Variants in HCRTR2 observed in about 807,000 individuals in gnomAD.
HCRTR2 encodes the protein hypocretin receptor 2.
In HCRTR2, 22 loss-of-function variants were observed where a neutral mutation model predicts 49.0. The observed-to-expected ratio is 0.45, with a 90% CI of 0.32 to 0.64. HCRTR2 has a LOEUF of 0.64. Among genes scored for constraint, HCRTR2 ranks in the 30% least tolerant of loss-of-function variants. HCRTR2 has a pLI of 0.04. For missense variants in HCRTR2, 491 were observed against 559.4 expected (o/e 0.88, Z 1.23); for synonymous variants, 236 against 205.3 (o/e 1.15, Z -1.28).
At chr6:55,205,990 T>C (rs1408391792) in intron 1 of HCRTR2, among the ~76,000 whole-genome samples, 1 of 152,050 alleles carries the variant, frequency 6.6e-6, no homozygotes, top group African/African-American at 2.4e-5. Context: ...AAATTAGAAA[T>C]AAAAAAATTT....
intron 1 of HCRTR2, among the ~76,000 whole-genome samples, chr6:55,133,850 G>T (rs538654337): frequency 6.6e-6 from 1 of 151,580 alleles, no homozygotes; most frequent in Non-Finnish European, 1.5e-5. Context: ...GAACCTATAT[G>T]GCTGTTTTTC....
Position 55,156,572 on chromosome 6 carries a change from G to GAC in HCRTR2, c.-377-17621_-377-17620dup, listed in dbSNP as rs141547382. On this transcript the variant is annotated intron_variant, in intron 1 of 7. Transcript: ENST00000615358. Reference sequence around the variant, plus strand: ...TCACTCTCTCTTTCTCTCTCTCTGAGACACACACACACACACACAAGCACA... The same window carrying GAC: ...TCACTCTCTCTTTCTCTCTCTCTGAGACACACACACACACACACACAAGCACA... Among the ~76,000 whole-genome samples the GAC allele has an allele frequency of 3.6e-3, 530 of 148,538 alleles. 4 individuals carry two copies. The highest frequency in any genetic ancestry group is 0.01 in the African/African-American group (426 of 40,692).
intron 1 of HCRTR2, among the ~76,000 whole-genome samples, chr6:55,218,047 T>A (rs1311746490): frequency 6.6e-6 from 1 of 152,214 alleles, no homozygotes; most frequent in East Asian, 1.9e-4. Context: ...TATCATAACA[T>A]GGCAGATGGC....
intron 1 of HCRTR2, among the ~76,000 whole-genome samples, chr6:55,166,764 A>T (rs1338725091): frequency 6.6e-6 from 1 of 152,140 alleles, no homozygotes; most frequent in Non-Finnish European, 1.5e-5. Context: ...CAGTCAGATC[A>T]GTATTATATA....
At chr6:55,119,398 A>G (rs956046289) in intron 1 of HCRTR2, among the ~76,000 whole-genome samples, 12 of 152,106 alleles carry the variant, frequency 7.9e-5, no homozygotes, top group African/African-American at 2.4e-4. Context: ...ACTGCCACCA[A>G]CAGTGTAAAA....
chr6:55,201,393 A>G (rs1164765455), intron 1 of HCRTR2, among the ~76,000 whole-genome samples: 1 of 152,098 alleles, frequency 6.6e-6, no homozygotes, highest in Non-Finnish European at 1.5e-5. Flanking sequence ...AGTTTTCCAC[A>G]GTACCATGTA....
chr6:55,108,953 C>A (rs1764011862), intron 1 of HCRTR2, among the ~76,000 whole-genome samples: 1 of 152,060 alleles, frequency 6.6e-6, no homozygotes, highest in Admixed American at 6.6e-5. Context: ...TGGCTGCCTG[C>A]ATATAAACTC....
intron 1 of HCRTR2, among the ~76,000 whole-genome samples, chr6:55,108,860 T>C (rs1764010709): frequency 6.6e-6 from 1 of 152,052 alleles, no homozygotes; most frequent in Admixed American, 6.6e-5. Context: ...GAAAGCATTG[T>C]GGGGAGGGGC....
At chr6:55,172,796 C>G (rs1411269499), upstream of HCRTR2, among the ~76,000 whole-genome samples, 1 of 137,910 alleles carries the variant, frequency 7.3e-6, no homozygotes, top group Non-Finnish European at 1.6e-5. Flanking sequence ...CCATAAAGCA[C>G]AAAACAAATA....
chr6:55,185,908 G>C (rs892013780), intron 1 of HCRTR2, among the ~76,000 whole-genome samples: 5 of 152,152 alleles, frequency 3.3e-5, no homozygotes, highest in African/African-American at 1.2e-4. Context: ...GTGCTCTAGA[G>C]TTTTCACAAT....
At chr6:55,214,285 G>C (rs777921654) in intron 1 of HCRTR2, among the ~76,000 whole-genome samples, 22 of 152,142 alleles carry the variant, frequency 1.4e-4, no homozygotes, top group Non-Finnish European at 2.5e-4. Context: ...GCCTTTCTCT[G>C]TATCAAGCTA....
intron 1 of HCRTR2, among the ~76,000 whole-genome samples, chr6:55,135,540 G>T (rs4715521): frequency 0.31 from 46,642 of 151,928 alleles, 9,253 homozygotes; most frequent in East Asian, 0.79. Context: ...GCAATCAGTT[G>T]CTTCAGTTTG....
intron 1 of HCRTR2, among the ~76,000 whole-genome samples, chr6:55,180,267 A>C (rs551687835): frequency 6.6e-6 from 1 of 152,370 alleles, no homozygotes; most frequent in South Asian, 2.1e-4. Flanking sequence ...GGTTTCAAAT[A>C]TGGATTTAAC....
At chr6:55,277,787 CAT>C (rs1486951726) in intron 5 of HCRTR2, among the ~76,000 whole-genome samples, 187 bp downstream of exon 5, 1 of 151,822 alleles carries the variant, frequency 6.6e-6, no homozygotes, top group Non-Finnish European at 1.5e-5. Context: ...AGTGCTCAGA[CAT>C]GTGCTTTTGT....
chr6:55,233,988 A>G (rs1455684953), intron 1 of HCRTR2, among the ~76,000 whole-genome samples: 2 of 152,182 alleles, frequency 1.3e-5, no homozygotes, highest in Non-Finnish European at 2.9e-5. Flanking sequence ...AAGGTTTGCC[A>G]TCAGTCTCTA....
chr6:55,197,571 T>C (rs572590853), intron 1 of HCRTR2, among the ~76,000 whole-genome samples: 1 of 152,232 alleles, frequency 6.6e-6, no homozygotes, highest in South Asian at 2.1e-4. Context: ...TACATCTAAT[T>C]ATAACCCAAA....
At chr6:55,129,237 A>G (rs1764322096) in intron 1 of HCRTR2, among the ~76,000 whole-genome samples, 2 of 152,102 alleles carry the variant, frequency 1.3e-5, no homozygotes, top group African/African-American at 4.8e-5. Context: ...TTTCTCACTC[A>G]TGGATCAAAA....
intron 1 of HCRTR2, among the ~76,000 whole-genome samples, chr6:55,143,900 T>C (rs1277467054): frequency 6.6e-6 from 1 of 152,178 alleles, no homozygotes; most frequent in Non-Finnish European, 1.5e-5. Flanking sequence ...CATTTAGTAA[T>C]TATCAGCTTT....
At chr6:55,148,817 A>G (rs1764627745) in intron 1 of HCRTR2, among the ~76,000 whole-genome samples, 1 of 152,142 alleles carries the variant, frequency 6.6e-6, no homozygotes, top group South Asian at 2.1e-4. Flanking sequence ...TTTCATGCTT[A>G]AACACATATG....
Sources: gnomAD v4.1 joint callset for allele counts (sites outside exome capture counted in the v4.1 genomes callset) on GRCh38, gnomAD v4.1.1 for gene constraint, MANE v1.5 for transcripts, NCBI Gene and HGNC (gene_info 2026-07-23, HGNC 2026-07-21) for gene names.